Variants in ACYP2 observed in about 807,000 individuals in gnomAD.
ACYP2 encodes acylphosphatase-2.
In ACYP2, 12 loss-of-function variants were observed where a neutral mutation model predicts 11.2. The observed-to-expected ratio is 1.08, with a 90% CI of 0.69 to 1.74. ACYP2 has a LOEUF of 1.74. Ranked by LOEUF, ACYP2 falls within the 40% of genes most tolerant of loss-of-function variation. The pLI is 0.00. For missense variants in ACYP2, 134 were observed against 101.9 expected (o/e 1.31, Z -1.35); for synonymous variants, 43 against 32.2 (o/e 1.33, Z -1.13).
At chr2:54,174,160 A>G (rs1293467199) in intron 6 of ACYP2, among the ~76,000 whole-genome samples, 4 of 152,220 alleles carry the variant, frequency 2.6e-5, no homozygotes, top group African/African-American at 9.7e-5. Context: ...CTTCCTATCC[A>G]TGAGCATGGA....
At chr2:54,000,858 C>T (rs1391573964) in intron 2 of ACYP2, among the ~76,000 whole-genome samples, 1 of 152,180 alleles carries the variant, frequency 6.6e-6, no homozygotes. Context: ...GGCAACCTTG[C>T]CTTTGAGCTT....
chr2:54,230,575 A>G (rs1005217104), intron 6 of ACYP2, among the ~76,000 whole-genome samples: 2 of 152,054 alleles, frequency 1.3e-5, no homozygotes, highest in Non-Finnish European at 2.9e-5. Flanking sequence ...CATGTTGGTC[A>G]GGCTGGTCTT....
chr2:54,250,756 A>G (rs1021592125), intron 6 of ACYP2, among the ~76,000 whole-genome samples: 1 of 152,260 alleles, frequency 6.6e-6, no homozygotes, highest in African/African-American at 2.4e-5. Context: ...ACATTGCTGT[A>G]TACAGAAGTG....
rs528687085 is a variant in ACYP2 at position 54,161,957 on chromosome 2, A to T, written c.404+23209A>T. Among the ~76,000 whole-genome samples, 12 of 152,212 alleles carry T rather than the reference A, an allele frequency of 7.9e-5. 1 individual carries two copies. The East Asian group carries it at 1.3e-3, about 17-fold the overall frequency. ...GAAGCAGCTATTTTGGGATTTTTTT[A>T]AAAACATTAAAAATTTTATAATAAG... On this transcript the variant is annotated intron_variant, in intron 6 of 6. Coordinates refer to ENST00000607452, the MANE Select transcript of ACYP2 (RefSeq NM_001320586.2).
chr2:54,038,856 A>G (rs1675061846), intron 2 of ACYP2, among the ~76,000 whole-genome samples: 1 of 151,770 alleles, frequency 6.6e-6, no homozygotes, highest in African/African-American at 2.4e-5. Context: ...GGTGGCAATA[A>G]ATTCTGCAGG....
intron 4 of ACYP2, among the ~76,000 whole-genome samples, chr2:54,086,722 G>T (rs937332583): frequency 3.9e-5 from 6 of 152,198 alleles, no homozygotes; most frequent in African/African-American, 1.4e-4. Flanking sequence ...CTAGGCATTT[G>T]AAACAAGCGC....
chr2:54,129,670 G>T (rs973580536), intron 4 of ACYP2, among the ~76,000 whole-genome samples: 2 of 149,674 alleles, frequency 1.3e-5, no homozygotes, highest in African/African-American at 2.4e-5. Context: ...ATATATATGT[G>T]TATTATATAT....
At chr2:54,115,855 T>G in intron 4 of ACYP2, 99 bp downstream of exon 1, 1 of 1,358,952 alleles carries the variant, frequency 7.4e-7, no homozygotes, top group South Asian at 1.6e-5. Context: ...CTTTTCCCGT[T>G]GTGGCTGGGA....
chr2:54,103,663 T>C (rs747697393), intron 4 of ACYP2, among the ~76,000 whole-genome samples: 1 of 152,254 alleles, frequency 6.6e-6, no homozygotes, highest in Non-Finnish European at 1.5e-5. Context: ...CCATTGATTT[T>C]CTTCCTATTC....
At chr2:54,202,517 C>T (rs1240642844) in intron 6 of ACYP2, among the ~76,000 whole-genome samples, 3 of 151,058 alleles carry the variant, frequency 2.0e-5, no homozygotes, top group Non-Finnish European at 4.4e-5. Context: ...AAGCAATTCT[C>T]CTGCCTTAGC....
At chr2:54,003,109 C>A (rs1672880336) in intron 2 of ACYP2, among the ~76,000 whole-genome samples, 1 of 151,834 alleles carries the variant, frequency 6.6e-6, no homozygotes. Flanking sequence ...CCATCATGCA[C>A]AGCTAATTTT....
At chr2:54,167,395 T>G (rs935206124) in intron 6 of ACYP2, among the ~76,000 whole-genome samples, 1 of 152,260 alleles carries the variant, frequency 6.6e-6, no homozygotes, top group Non-Finnish European at 1.5e-5. Flanking sequence ...TGAAAAGATA[T>G]AATGGTGGCA....
rs541477510 is a variant in ACYP2 at position 54,207,101 on chromosome 2, CTATA to C, written c.404+68358_404+68361del. The stretch of plus-strand genomic sequence containing the variant: ...TCTGTATATATGTTTATATAGATAT[CTATA>C]TATAGATATATAGGTATATATATGC... On this transcript the variant is annotated intron_variant, in intron 6 of 6. Coordinates refer to ENST00000607452, the MANE Select transcript of ACYP2 (RefSeq NM_001320586.2). 4.3e-3 allele frequency among the ~76,000 whole-genome samples: 608 copies of C among 142,682 alleles called. 6 individuals are homozygous for C. Among genetic ancestry groups the C allele is most frequent in the African/African-American group, 0.015 (580 of 38,446 alleles). The allele number at this position is 142,682 out of a possible 152,430, so 93.6% of individuals were successfully genotyped here. A position where few individuals can be genotyped will look rare whatever the true frequency, so the allele number is the denominator to read the frequency against.
At chr2:54,018,407 T>C (rs1414300072) in intron 2 of ACYP2, among the ~76,000 whole-genome samples, 1 of 152,226 alleles carries the variant, frequency 6.6e-6, no homozygotes, top group Non-Finnish European at 1.5e-5. Context: ...CACAAAACTT[T>C]AAATCAGGTG....
chr2:54,097,965 C>CT (rs527656550), intron 4 of ACYP2, among the ~76,000 whole-genome samples: 2,094 of 117,162 alleles, frequency 0.018, 52 homozygotes, highest in African/African-American at 0.053. Flanking sequence ...TCCTTCCTTC[C>CT]TTTTTTTTTT....
chr2:54,046,951 A>C (rs1409860392), intron 2 of ACYP2, among the ~76,000 whole-genome samples: 3 of 152,170 alleles, frequency 2.0e-5, no homozygotes, highest in Non-Finnish European at 4.4e-5. Flanking sequence ...ACCTCTTTTC[A>C]TCAGTAAAAT....
intron 2 of ACYP2, among the ~76,000 whole-genome samples, chr2:53,982,579 C>T (rs373225351): frequency 6.6e-6 from 1 of 152,122 alleles, no homozygotes; most frequent in Non-Finnish European, 1.5e-5. Flanking sequence ...AATTCAAACT[C>T]CCTTCCACCC....
chr2:53,977,892 A>T (rs1671572122), intron 2 of ACYP2, among the ~76,000 whole-genome samples: 1 of 151,988 alleles, frequency 6.6e-6, no homozygotes, highest in South Asian at 2.1e-4. Flanking sequence ...GAGCTCATTT[A>T]TGGTTATCTG....
intron 4 of ACYP2, among the ~76,000 whole-genome samples, chr2:54,118,487 G>A (rs894792030): frequency 3.3e-5 from 5 of 152,226 alleles, no homozygotes; most frequent in Admixed American, 2.6e-4. Context: ...CAAAACAGGT[G>A]CACAGAGATT....
Sources: allele counts gnomAD v4.1 joint callset (sites outside exome capture counted in the v4.1 genomes callset), GRCh38; gene constraint gnomAD v4.1.1; transcripts MANE v1.5; gene names NCBI Gene and HGNC (gene_info 2026-07-23, HGNC 2026-07-21).